TRPM3: variants seen among roughly 807,000 people sequenced by gnomAD.
The protein encoded by TRPM3 is long transient receptor potential channel 3.
In TRPM3, 77 loss-of-function variants were observed where a neutral mutation model predicts 181.2. The observed-to-expected ratio is 0.42, with a 90% CI of 0.35 to 0.51. The LOEUF (loss-of-function observed/expected upper bound fraction) is 0.51. Among genes scored for constraint, TRPM3 ranks in the 20% least tolerant of loss-of-function variants. The pLI is 0.01. For missense variants in TRPM3, 1,759 were observed against 2,196.7 expected (o/e 0.80, Z 3.98); for synonymous variants, 745 against 796.4 (o/e 0.94, Z 1.09).
intron 12 of TRPM3, among the ~76,000 whole-genome samples, chr9:70,634,765 C>A (rs187888244): frequency 6.6e-6 from 1 of 152,032 alleles, no homozygotes. Context: ...ATGTTTTAGT[C>A]CCTGTTTTTA....
At chr9:70,771,249 T>A (rs1046444517) in intron 7 of TRPM3, among the ~76,000 whole-genome samples, 26 of 152,114 alleles carry the variant, frequency 1.7e-4, no homozygotes, top group African/African-American at 6.3e-4. Flanking sequence ...GATTTGATAT[T>A]TAGGATAAAA....
chr9:70,754,296 A>G (rs2076690332), intron 8 of TRPM3, among the ~76,000 whole-genome samples: 1 of 152,158 alleles, frequency 6.6e-6, no homozygotes, highest in Admixed American at 6.5e-5. Context: ...GGAGGAAGAT[A>G]ATAGAGAGAC....
chr9:71,031,978 ATAT>A (rs2057391644), intron 1 of TRPM3, among the ~76,000 whole-genome samples: 1 of 4,984 alleles, frequency 2.0e-4, no homozygotes, highest in African/African-American at 1.6e-3. Context: ...TATATTATAT[ATAT>A]ATATATTATA....
intron 11 of TRPM3, among the ~76,000 whole-genome samples, chr9:70,637,367 T>C (rs1375064550): frequency 6.6e-6 from 1 of 152,108 alleles, no homozygotes; most frequent in Non-Finnish European, 1.5e-5. Context: ...TGTTCCATAA[T>C]CCTCAACAAA....
At chr9:70,832,426 T>G (rs1191299894) in intron 5 of TRPM3, among the ~76,000 whole-genome samples, 2 of 152,178 alleles carry the variant, frequency 1.3e-5, no homozygotes, top group Admixed American at 6.5e-5. Flanking sequence ...TTCTTGTCCC[T>G]TAAGAGTAAA....
chr9:70,768,094 G>T (rs905365334), intron 7 of TRPM3, among the ~76,000 whole-genome samples: 1 of 152,126 alleles, frequency 6.6e-6, no homozygotes, highest in Non-Finnish European at 1.5e-5. Context: ...TTCAGATGAG[G>T]CATAAACTGC....
chr9:71,446,354 C>G (rs1335308345), intron 1 of TRPM3, among the ~76,000 whole-genome samples: 1 of 152,194 alleles, frequency 6.6e-6, no homozygotes, highest in Non-Finnish European at 1.5e-5. Flanking sequence ...ACGTCTCACA[C>G]GCTCTGTTAA....
chr9:70,960,121 TTC>T (rs1464311266), intron 1 of TRPM3, among the ~76,000 whole-genome samples: 6 of 150,668 alleles, frequency 4.0e-5, no homozygotes, highest in African/African-American at 1.2e-4. Flanking sequence ...TCAACTCTCG[TTC>T]TTTTTTTTTT....
At chr9:70,656,366 T>G (rs1369599816) in intron 9 of TRPM3, among the ~76,000 whole-genome samples, 1 of 152,260 alleles carries the variant, frequency 6.6e-6, no homozygotes, top group Non-Finnish European at 1.5e-5. Context: ...CCATAACTTC[T>G]AATCTTGTGG....
At chr9:71,001,555 A>G (rs754967243) in intron 1 of TRPM3, among the ~76,000 whole-genome samples, 6 of 152,266 alleles carry the variant, frequency 3.9e-5, no homozygotes, top group African/African-American at 9.6e-5. Flanking sequence ...GTACCACACA[A>G]TGTCTATTAG....
chr9:70,625,883 T>A lies in TRPM3; in HGVS notation c.1633-366A>T, dbSNP rs555741752. Among the ~76,000 whole-genome samples the A allele has an allele frequency of 6.6e-6, 1 of 152,292 alleles. No individual in the cohort carries two copies. Among genetic ancestry groups the A allele is most frequent in the East Asian group, 1.9e-4 (1 of 5,182 alleles). On this transcript the variant is annotated intron_variant, in intron 12 of 25. Transcript: ENST00000677713. The surrounding 1 kb of genome is among the most constrained non-coding windows in gnomAD (Gnocchi z 4.8). Reference sequence around the variant, plus strand: ...TAATACAAAACCTCTATCCATAATTTTAAAAAATTGACACTTTTTTCATAA... The same window carrying A: ...TAATACAAAACCTCTATCCATAATTATAAAAAATTGACACTTTTTTCATAA...
intron 1 of TRPM3, among the ~76,000 whole-genome samples, chr9:71,342,389 G>C (rs1490853402): frequency 1.3e-5 from 2 of 150,802 alleles, no homozygotes; most frequent in East Asian, 3.9e-4. Flanking sequence ...TGCCCAAATA[G>C]AAAAGACTGG....
chr9:70,596,566 T>C (rs1380211487), intron 21 of TRPM3, among the ~76,000 whole-genome samples: 1 of 151,970 alleles, frequency 6.6e-6, no homozygotes, highest in African/African-American at 2.4e-5. Context: ...ACCTCGTCTC[T>C]AATAAAAACA....
At position 71,345,788 on chromosome 9, in the gene TRPM3, A is replaced by G. The variant is rs147198020; in HGVS notation, c.183+100865T>C. 7.5e-3 allele frequency among the ~76,000 whole-genome samples: 1,149 copies of G among 152,314 alleles called. 5 individuals are homozygous for G. The highest frequency in any genetic ancestry group is 0.011 in the Non-Finnish European group (723 of 68,032). The stretch of plus-strand genomic sequence containing the variant: ...AGTTATATGACAAAAGAAGATATAT[A>G]AATGTTTAATAACCACATAAAATAT... On this transcript the variant is annotated intron_variant, in intron 1 of 24. Transcript: ENST00000357533.
intron 22 of TRPM3, among the ~76,000 whole-genome samples, chr9:70,565,692 T>C (rs1236095806): frequency 6.6e-6 from 1 of 152,228 alleles, no homozygotes; most frequent in Non-Finnish European, 1.5e-5. Context: ...CAAGGCACTT[T>C]GCTGTTCATC....
intron 11 of TRPM3, among the ~76,000 whole-genome samples, chr9:70,638,677 C>A (rs150399173): frequency 6.6e-6 from 1 of 152,108 alleles, no homozygotes; most frequent in Non-Finnish European, 1.5e-5. Context: ...TAAAAAATGG[C>A]GCAGGTTACT....
At chr9:70,645,248 C>G (rs962746042) in intron 9 of TRPM3, among the ~76,000 whole-genome samples, 3 of 152,152 alleles carry the variant, frequency 2.0e-5, no homozygotes, top group Admixed American at 6.5e-5. Flanking sequence ...CCTGCATAAC[C>G]AAGACAATCC....
chr9:70,807,292 ACT>A (rs1187414514), intron 6 of TRPM3, among the ~76,000 whole-genome samples: 2 of 152,148 alleles, frequency 1.3e-5, no homozygotes, highest in Non-Finnish European at 2.9e-5. Context: ...GTATCATTAG[ACT>A]CTCTAAATTC....
At chr9:71,332,267 C>G (rs2090247234) in intron 1 of TRPM3, among the ~76,000 whole-genome samples, 2 of 151,606 alleles carry the variant, frequency 1.3e-5, no homozygotes, top group African/African-American at 2.4e-5. Context: ...TTTTATTCCA[C>G]TATTTTATGA....
Sources: gnomAD v4.1 joint callset for allele counts (sites outside exome capture counted in the v4.1 genomes callset) on GRCh38, gnomAD v4.1.1 for gene constraint, Gnocchi (gnomAD v3.1) non-coding constraint, MANE v1.5 for transcripts, NCBI Gene and HGNC (gene_info 2026-07-23, HGNC 2026-07-21) for gene names.